Variants in ELOVL6 observed in about 807,000 individuals in gnomAD.
ELOVL6 encodes very long chain fatty acid elongase 6.
In ELOVL6, 8 loss-of-function variants were observed where a neutral mutation model predicts 31.7. The observed-to-expected ratio is 0.25, with a 90% CI of 0.15 to 0.45. The LOEUF (loss-of-function observed/expected upper bound fraction) is 0.45. ELOVL6 is among the 20% of genes least tolerant of loss of function. ELOVL6 has a pLI of 1.00. For synonymous variants in ELOVL6, 101 were observed against 117.7 expected, an observed-to-expected ratio of 0.86 and a Z score of 0.92; for missense variants, 126 against 326.4, an observed-to-expected ratio of 0.39 and a Z score of 4.73.
chr4:110,056,124 G>GGGGT (rs1553953510), intron 3 of ELOVL6, among the ~76,000 whole-genome samples: 1 of 134,060 alleles, frequency 7.5e-6, no homozygotes, highest in Non-Finnish European at 1.5e-5. Flanking sequence ...GTGGGAGCTG[G>GGGGT]GGGGGGGGAT....
rs555116874 is a variant in ELOVL6 at position 110,057,467 on chromosome 4, AT to A, written c.373+2135del. Among the ~76,000 whole-genome samples the A allele has an allele frequency of 2.2e-3, 330 of 152,256 alleles. 1 individual carries two copies. Among genetic ancestry groups the A allele is most frequent in the Non-Finnish European group, 3.9e-3 (265 of 68,034 alleles). On this transcript the variant is annotated intron_variant, in intron 3 of 3. Transcript: ENST00000302274. ...AGGCCTTTGTCAAAAAAGATAGGGG[AT>A]TAATAAGGTTATTAAATAGCATAAA...
intron 1 of ELOVL6, among the ~76,000 whole-genome samples, chr4:110,168,051 T>C (rs1254830234): frequency 2.6e-5 from 4 of 152,190 alleles, no homozygotes; most frequent in Non-Finnish European, 5.9e-5. Context: ...TTAAGATTAA[T>C]ATTTTAGTGG....
intron 2 of ELOVL6, among the ~76,000 whole-genome samples, chr4:110,096,235 C>G (rs901098517): frequency 3.3e-5 from 5 of 152,148 alleles, no homozygotes; most frequent in Non-Finnish European, 7.3e-5. Context: ...TACACTGAGA[C>G]AACGTGCATA....
intron 1 of ELOVL6, among the ~76,000 whole-genome samples, chr4:110,194,641 G>C (rs553436762): frequency 5.9e-5 from 9 of 152,236 alleles, no homozygotes; most frequent in Admixed American, 2.6e-4. Context: ...CCAAAAGTCG[G>C]GCCCCATTCC....
intron 1 of ELOVL6, among the ~76,000 whole-genome samples, chr4:110,179,463 G>A (rs150741152): frequency 0.14 from 21,501 of 152,122 alleles, 1,694 homozygotes; most frequent in South Asian, 0.24. Flanking sequence ...CCGAAATTAC[G>A]CCACTGCACT....
intron 1 of ELOVL6, among the ~76,000 whole-genome samples, chr4:110,139,234 C>G (rs2126260449): frequency 6.6e-6 from 1 of 152,152 alleles, no homozygotes; most frequent in Non-Finnish European, 1.5e-5. Context: ...ACTTAGGGAG[C>G]TAAAAACATC....
chr4:110,197,634 C>T (rs1759848424), intron 1 of ELOVL6, among the ~76,000 whole-genome samples: 1 of 151,900 alleles, frequency 6.6e-6, no homozygotes, highest in African/African-American at 2.4e-5. Flanking sequence ...CTCTATGAAA[C>T]CGGAAAGGGA....
chr4:110,115,250 GA>G (rs1339358055), intron 1 of ELOVL6, among the ~76,000 whole-genome samples: 5 of 152,272 alleles, frequency 3.3e-5, no homozygotes, highest in Admixed American at 1.3e-4. Context: ...CAGTGACGAT[GA>G]TCTCATGGTT....
chr4:110,094,445 T>TATATATATATATA (rs1756519913), intron 2 of ELOVL6, among the ~76,000 whole-genome samples: 49 of 47,358 alleles, frequency 1.0e-3, no homozygotes, highest in East Asian at 1.5e-3. Context: ...ATATATATAA[T>TATATATATATATA]ATATATAACA....
chr4:110,121,222 T>C (rs2126253920), intron 1 of ELOVL6, among the ~76,000 whole-genome samples: 2 of 152,338 alleles, frequency 1.3e-5, no homozygotes, highest in South Asian at 4.1e-4. Flanking sequence ...CTACTGATTT[T>C]GTCTTTGGAA....
intron 1 of ELOVL6, among the ~76,000 whole-genome samples, chr4:110,119,478 G>A (rs1179848378): frequency 6.6e-6 from 1 of 152,140 alleles, no homozygotes; most frequent in Non-Finnish European, 1.5e-5. Context: ...TCTAAGGATT[G>A]TGCACAAAGC....
At chr4:110,174,684 A>G (rs1034307481) in intron 1 of ELOVL6, among the ~76,000 whole-genome samples, 1 of 152,194 alleles carries the variant, frequency 6.6e-6, no homozygotes, top group Non-Finnish European at 1.5e-5. Context: ...CTTTTCTGCT[A>G]TAAGACCTAT....
intron 1 of ELOVL6, among the ~76,000 whole-genome samples, chr4:110,164,926 C>G (rs1163482071): frequency 6.6e-6 from 1 of 151,790 alleles, no homozygotes; most frequent in Non-Finnish European, 1.5e-5. Context: ...ACAACCTCTG[C>G]CCCCCAGGCT....
intron 3 of ELOVL6, among the ~76,000 whole-genome samples, chr4:110,054,236 G>T (rs766882549): frequency 6.6e-6 from 1 of 152,132 alleles, no homozygotes; most frequent in Non-Finnish European, 1.5e-5. Flanking sequence ...TAAGTGTCAG[G>T]CAGACTGATA....
At chr4:110,071,471 T>C (rs1755479480) in intron 2 of ELOVL6, among the ~76,000 whole-genome samples, 1 of 152,230 alleles carries the variant, frequency 6.6e-6, no homozygotes, top group Non-Finnish European at 1.5e-5. Context: ...ATGTGTATGC[T>C]CTGGAACTTA....
At chr4:110,134,895 C>T (rs918805529) in intron 1 of ELOVL6, among the ~76,000 whole-genome samples, 12 of 151,930 alleles carry the variant, frequency 7.9e-5, no homozygotes, top group Non-Finnish European at 1.8e-4. Context: ...TTCAAAGCTG[C>T]AGTAAGTTGT....
intron 1 of ELOVL6, among the ~76,000 whole-genome samples, chr4:110,109,741 G>A (rs759244482): frequency 5.9e-5 from 9 of 152,170 alleles, no homozygotes; most frequent in East Asian, 1.9e-4. Flanking sequence ...TAGCATTCAC[G>A]TCAAGATTTC....
intron 1 of ELOVL6, among the ~76,000 whole-genome samples, chr4:110,110,020 G>A (rs952489682): frequency 7.2e-5 from 11 of 152,184 alleles, no homozygotes; most frequent in African/African-American, 2.7e-4. Context: ...TGCAGAGAAA[G>A]TTTTCATGTT....
chr4:110,110,666 G>T (rs1757009780), intron 1 of ELOVL6, among the ~76,000 whole-genome samples: 1 of 152,058 alleles, frequency 6.6e-6, no homozygotes, highest in South Asian at 2.1e-4. Flanking sequence ...AAAGTGCTGG[G>T]ATTACAGATG....
Sources: gnomAD v4.1 joint callset for allele counts (sites outside exome capture counted in the v4.1 genomes callset) on GRCh38, gnomAD v4.1.1 for gene constraint, MANE v1.5 for transcripts, NCBI Gene and HGNC (gene_info 2026-07-23, HGNC 2026-07-21) for gene names.